AVL9: variants seen among roughly 807,000 people sequenced by gnomAD.
The protein encoded by AVL9 is late secretory pathway protein AVL9 homolog.
In AVL9, 49 loss-of-function variants were observed where a neutral mutation model predicts 79.2. The ratio of observed to expected loss-of-function variants is 0.62; its 90% confidence interval spans 0.49 to 0.79. The LOEUF is 0.79. Ranked by LOEUF, AVL9 falls within the 30% of genes least tolerant of loss-of-function variation. The pLI, the probability that AVL9 is intolerant of heterozygous loss-of-function variation, is 0.00. For missense variants in AVL9, 682 were observed against 776.8 expected (o/e 0.88, Z 1.45); for synonymous variants, 299 against 280.6 (o/e 1.07, Z -0.65).
chr7:32,563,222 G>A (rs1463695960), intron 10 of AVL9, among the ~76,000 whole-genome samples: 2 of 151,964 alleles, frequency 1.3e-5, no homozygotes, highest in Non-Finnish European at 2.9e-5. Flanking sequence ...AGTAGAGACA[G>A]GGTTTCACTA....
At chr7:32,498,104 C>G (rs1786940383) in intron 1 of AVL9, among the ~76,000 whole-genome samples, 1 of 152,206 alleles carries the variant, frequency 6.6e-6, no homozygotes, top group Admixed American at 6.5e-5. Flanking sequence ...AGCATGATAA[C>G]TTTGTCATTT....
intron 13 of AVL9, among the ~76,000 whole-genome samples, chr7:32,577,289 A>G (rs1791146175): frequency 6.6e-6 from 1 of 152,202 alleles, no homozygotes; most frequent in Non-Finnish European, 1.5e-5. Flanking sequence ...AGGCAACATA[A>G]TGAGACCCCA....
At chr7:32,579,299 ATATATT>A (rs1427321845) in intron 13 of AVL9, among the ~76,000 whole-genome samples, 1 of 73,760 alleles carries the variant, frequency 1.4e-5, no homozygotes, top group African/African-American at 6.6e-5. Context: ...TATGTATTAT[ATATATT>A]ATATATTATA....
At chr7:32,569,400 T>G (rs1431022597) in intron 10 of AVL9, among the ~76,000 whole-genome samples, 1 of 152,246 alleles carries the variant, frequency 6.6e-6, no homozygotes, top group Non-Finnish European at 1.5e-5. Flanking sequence ...TGCTGCAGTT[T>G]AGCAATTCCA....
At chr7:32,580,965 A>C (rs1004201898) in intron 15 of AVL9, 75 bp downstream of exon 15, 1 of 1,099,486 alleles carries the variant, frequency 9.1e-7, no homozygotes, top group Non-Finnish European at 1.4e-6. Context: ...TGTAATTGAT[A>C]AAACAAACAT....
Position 32,543,071 on chromosome 7 carries a change from T to A in AVL9, c.94-70T>A, listed in dbSNP as rs1789290852. On this transcript the variant is annotated intron_variant, in intron 1 of 15. Transcript: ENST00000318709. ...TTCTGTCATTCAGGGTTTAAAAGCA[T>A]TTTTACCTATCAGAATAAAATGCTT... 11 of 1,590,338 alleles carry A rather than the reference T, an allele frequency of 6.9e-6. No individual in the cohort carries two copies. The South Asian group carries it at 1.1e-4, about 17-fold the overall frequency.
At chr7:32,515,267 A>G (rs979180490) in intron 1 of AVL9, among the ~76,000 whole-genome samples, 1 of 152,200 alleles carries the variant, frequency 6.6e-6, no homozygotes, top group African/African-American at 2.4e-5. Context: ...TTTGGTTTAC[A>G]AATTGGCAAC....
At chr7:32,567,246 T>C (rs4723174) in intron 10 of AVL9, among the ~76,000 whole-genome samples, 124,923 of 152,016 alleles carry the variant, frequency 0.82, 51,397 homozygotes, top group Middle Eastern at 0.88. Flanking sequence ...GGACCACAGA[T>C]GCAGGCCACC....
At chr7:32,510,632 A>G (rs1787627433) in intron 1 of AVL9, among the ~76,000 whole-genome samples, 4 of 138,340 alleles carry the variant, frequency 2.9e-5, no homozygotes, top group African/African-American at 1.1e-4. Flanking sequence ...GAACTGCCCC[A>G]TTATGAGGGA....
chr7:32,553,142 AT>A (rs1789909682), intron 6 of AVL9, among the ~76,000 whole-genome samples: 1 of 152,168 alleles, frequency 6.6e-6, no homozygotes, highest in African/African-American at 2.4e-5. Context: ...ATTCTGCATA[AT>A]ATGAGGTCCT....
chr7:32,556,728 AT>A (rs1382233101), intron 8 of AVL9, among the ~76,000 whole-genome samples: 1 of 152,166 alleles, frequency 6.6e-6, no homozygotes, highest in Admixed American at 6.6e-5. Flanking sequence ...CATTCATGTT[AT>A]GCAGCCATCA....
intron 1 of AVL9, among the ~76,000 whole-genome samples, chr7:32,541,307 A>G (rs1324668002): frequency 1.3e-5 from 2 of 151,480 alleles, no homozygotes; most frequent in Non-Finnish European, 1.5e-5. Context: ...TTGTTTATTT[A>G]AAACCATGTT....
chr7:32,569,913 G>A (rs547840623), intron 10 of AVL9, 107 bp from the exon 11 acceptor site: 32 of 1,075,444 alleles, frequency 3.0e-5, no homozygotes, highest in South Asian at 1.2e-4. Flanking sequence ...TTACAGACAG[G>A]GCAAGGAAGA....
intron 1 of AVL9, among the ~76,000 whole-genome samples, chr7:32,513,558 C>T (rs1012428619): frequency 6.6e-6 from 1 of 152,242 alleles, no homozygotes; most frequent in African/African-American, 2.4e-5. Context: ...TGAGTTGTCC[C>T]ACCCTTCCAG....
chr7:32,556,755 A>T (rs1278157205), intron 8 of AVL9, among the ~76,000 whole-genome samples: 1 of 152,136 alleles, frequency 6.6e-6, no homozygotes, highest in Non-Finnish European at 1.5e-5. Flanking sequence ...ATCCAGCCAC[A>T]GAACACTTTG....
At chr7:32,573,503 T>G (rs1790953471) in intron 12 of AVL9, 85 bp downstream of exon 12, 2 of 1,192,800 alleles carry the variant, frequency 1.7e-6, no homozygotes, top group South Asian at 2.9e-5. Context: ...GATTGCACAA[T>G]AAATACATAT....
chr7:32,559,111 GA>G lies in AVL9; in HGVS notation c.863del (p.Asp288ValfsTer4). On this transcript the variant is annotated frameshift_variant, in exon 10 of 16. Transcript: ENST00000318709. LOFTEE classifies it high-confidence loss of function. The stretch of plus-strand genomic sequence containing the variant: ...AGTCATGGCAGGAAACCATGGAGAA[GA>G]TGCTGCCATGAAGACTGAGGAGCCT... Reference protein sequence around the residue: ...RKVMAGNHGEDAAMKTEEPLF... With the variant: ...RKVMAGNHGEXAAMKTEEPLF... The G allele has an allele frequency of 1.2e-6, 2 of 1,614,064 alleles. No individual in the cohort carries two copies. The highest frequency in any genetic ancestry group is 1.7e-6 in the Non-Finnish European group (2 of 1,179,958).
intron 10 of AVL9, among the ~76,000 whole-genome samples, chr7:32,561,669 T>C (rs538651032): frequency 6.8e-6 from 1 of 146,990 alleles, no homozygotes; most frequent in East Asian, 1.9e-4. Flanking sequence ...ACAAAAACAC[T>C]TTTAGTAGCA....
intron 1 of AVL9, among the ~76,000 whole-genome samples, chr7:32,513,373 A>T (rs949208811): frequency 6.6e-6 from 1 of 152,316 alleles, no homozygotes; most frequent in Non-Finnish European, 1.5e-5. Context: ...ACCTTAAGAA[A>T]CATTTACAGT....
Sources: gnomAD v4.1 joint callset for allele counts (sites outside exome capture counted in the v4.1 genomes callset) on GRCh38, gnomAD v4.1.1 for gene constraint, MANE v1.5 for transcripts, NCBI Gene and HGNC (gene_info 2026-07-23, HGNC 2026-07-21) for gene names.